The following VPS35L variants were observed in gnomAD, a reference collection of about 807,000 sequenced individuals.
VPS35L encodes VPS35 endosomal protein-sorting factor-like.
A neutral mutation model predicts 133.0 loss-of-function variants in VPS35L; 83 were observed. The observed-to-expected ratio is 0.62, with a 90% CI of 0.52 to 0.75. VPS35L has a LOEUF of 0.75. VPS35L is among the 30% of genes least tolerant of loss of function. VPS35L has a pLI of 0.00. For missense variants in VPS35L, 1,083 were observed against 1,206.8 expected (o/e 0.90, Z 1.52); for synonymous variants, 423 against 449.9 (o/e 0.94, Z 0.76).
chr16:19,653,906 C>T (rs1308302770), intron 26 of VPS35L, among the ~76,000 whole-genome samples: 1 of 152,160 alleles, frequency 6.6e-6, no homozygotes, highest in Non-Finnish European at 1.5e-5. Flanking sequence ...GCTTCTAACT[C>T]ATGGGGGACT....
intron 28 of VPS35L, among the ~76,000 whole-genome samples, chr16:19,690,815 T>A (rs954035822): frequency 1.3e-5 from 2 of 151,912 alleles, no homozygotes. Flanking sequence ...ATTAAAAAAA[T>A]AGCCAGGCGT....
At chr16:19,679,024 T>G (rs1975162638) in intron 27 of VPS35L, among the ~76,000 whole-genome samples, 1 of 152,012 alleles carries the variant, frequency 6.6e-6, no homozygotes, top group African/African-American at 2.4e-5. Context: ...GCTGGAACAT[T>G]CAGATTGTTG....
intron 27 of VPS35L, among the ~76,000 whole-genome samples, chr16:19,675,659 C>T (rs1975040101): frequency 6.6e-6 from 1 of 152,138 alleles, no homozygotes; most frequent in Non-Finnish European, 1.5e-5. Context: ...AAGTGATTTT[C>T]CTGCCTCAGC....
rs150300279 is a variant in VPS35L, at chr16:19,699,568, C to T, written c.2713C>T (p.Arg905Cys). The change falls in exon 30 of 31, where the codon CGC (arginine) becomes TGC (cysteine). Residue 905 changes from arginine to cysteine, a missense_variant. By Grantham distance (180) the Arg-to-Cys change is radical. Coordinates refer to ENST00000417362, the MANE Select transcript of VPS35L (RefSeq NM_020314.7). The surrounding 1 kb of genome is among the most constrained non-coding windows in gnomAD (Gnocchi z 4.2). ...CAGCATCTTGGCCCATGGGGACCTA[C>T]GCAACAACAAGCTCAACCAGCTCTC... is the stretch of plus-strand genomic sequence containing the variant. The part of the protein sequence containing the change: ...FNSILAHGDL[R>C]NNKLNQLSVN... 9.2e-3 allele frequency: 14,887 copies of T among 1,614,150 alleles called. 95 individuals are homozygous for T. The highest frequency in any genetic ancestry group is 0.01 in the Non-Finnish European group (12,269 of 1,180,028).
intron 28 of VPS35L, among the ~76,000 whole-genome samples, chr16:19,689,050 T>G (rs1214102148): frequency 8.3e-6 from 1 of 121,174 alleles, no homozygotes; most frequent in Non-Finnish European, 1.7e-5. Flanking sequence ...CTTTTTTTTT[T>G]TTTTTTTGAG....
At position 19,669,315 on chromosome 16, in the gene VPS35L, A is replaced by C; in HGVS notation, c.2361+16A>C. The C allele has an allele frequency of 6.3e-7, 1 of 1,598,674 alleles. No homozygotes were observed. The highest frequency in any genetic ancestry group is 8.6e-7 in the Non-Finnish European group (1 of 1,168,956). ...AATAGTTCCGGTACGTTTCCTCAGC[A>C]GAACCGCAGGACATGTCTTCCTTTC... On this transcript the variant is annotated intron_variant, in intron 27 of 30. Coordinates refer to ENST00000417362, the MANE Select transcript of VPS35L (RefSeq NM_020314.7).
intron 2 of VPS35L, 43 bp from the exon 3 acceptor site, chr16:19,569,381 A>C: frequency 1.9e-6 from 3 of 1,593,650 alleles, no homozygotes; most frequent in Non-Finnish European, 2.6e-6. Flanking sequence ...CACTGGAGAG[A>C]GTTGTGGGAG....
intron 26 of VPS35L, among the ~76,000 whole-genome samples, chr16:19,661,558 G>A (rs1440931545): frequency 6.6e-6 from 1 of 152,198 alleles, no homozygotes; most frequent in African/African-American, 2.4e-5. Context: ...AGGCCCCAGA[G>A]CACGATATGG....
At position 19,652,563 on chromosome 16, in the gene VPS35L, C is replaced by T. The variant is rs143552498; in HGVS notation, c.2221+473C>T. ...TTAAATTTGTTTCTCCGCTAGGAAG[C>T]ACATTGGACACATATGCATTTATAG... On this transcript the variant is annotated intron_variant, in intron 26 of 30. Coordinates refer to ENST00000417362, the MANE Select transcript of VPS35L (RefSeq NM_020314.7). The T allele has an allele frequency of 4.9e-5, 8 of 164,244 alleles. No homozygotes were observed. In the East Asian group the frequency reaches 1.4e-3, roughly 29 times the overall value. The allele number at this position is 164,244 out of a possible 1,614,324, so 10.2% of individuals were successfully genotyped here. A position where few individuals can be genotyped will look rare whatever the true frequency, so the allele number is the denominator to read the frequency against.
At chr16:19,656,044 C>T (rs1007394173) in intron 26 of VPS35L, among the ~76,000 whole-genome samples, 13 of 151,888 alleles carry the variant, frequency 8.6e-5, no homozygotes, top group African/African-American at 3.1e-4. Flanking sequence ...GGGCGGATCA[C>T]CTGAGGTCAG....
intron 14 of VPS35L, chr16:19,617,262 G>A (rs996576860): frequency 1.9e-5 from 6 of 310,038 alleles, no homozygotes; most frequent in African/African-American, 1.3e-4. Context: ...GGAGGCTGAG[G>A]TGGGAGGACC....
At position 19,611,080 on chromosome 16, in the gene VPS35L, A is replaced by G. The variant is rs572071634; in HGVS notation, c.1023+665A>G. 1.2e-3 allele frequency among the ~76,000 whole-genome samples: 180 copies of G among 152,036 alleles called. No individual in the cohort carries two copies. The Middle Eastern group carries it at 0.02, about 17-fold the overall frequency. The stretch of plus-strand genomic sequence containing the variant: ...AGTGGCGCCATCTCGGCTCATTTCA[A>G]CCTCCACCGCCTGGGTTCAAATGAT... On this transcript the variant is annotated intron_variant, in intron 12 of 30. Transcript: ENST00000417362.
At chr16:19,646,743 C>T (rs1336815148) in intron 23 of VPS35L, among the ~76,000 whole-genome samples, 1 of 151,954 alleles carries the variant, frequency 6.6e-6, no homozygotes, top group Non-Finnish European at 1.5e-5. Flanking sequence ...AAATCACAGT[C>T]TTGAGGGGAC....
chr16:19,624,203 C>T lies in VPS35L; in HGVS notation c.1225-1974C>T, dbSNP rs148181151. On this transcript the variant is annotated intron_variant, in intron 14 of 30. Coordinates refer to ENST00000417362, the MANE Select transcript of VPS35L (RefSeq NM_020314.7). Reference sequence around the variant, plus strand: ...CAATCACAGCTCACTGCAGCCTCCACCTCCTGGGCTCAAGTGATCCTCCCA... The same window carrying T: ...CAATCACAGCTCACTGCAGCCTCCATCTCCTGGGCTCAAGTGATCCTCCCA... 2.2e-3 allele frequency among the ~76,000 whole-genome samples: 332 copies of T among 149,914 alleles called. 1 individual carries two copies. The highest frequency in any genetic ancestry group is 7.9e-3 in the African/African-American group (322 of 40,750).
intron 17 of VPS35L, among the ~76,000 whole-genome samples, chr16:19,629,511 A>G (rs932379224): frequency 7.2e-5 from 11 of 152,214 alleles, no homozygotes; most frequent in Non-Finnish European, 1.5e-4. Flanking sequence ...AATGCATAAC[A>G]TTACAGATAT....
At chr16:19,613,749 T>TGG (rs1167190510) in intron 12 of VPS35L, among the ~76,000 whole-genome samples, 5 of 152,192 alleles carry the variant, frequency 3.3e-5, no homozygotes, top group African/African-American at 1.2e-4. Context: ...ACTTACTGAC[T>TGG]GGGTCACATG....
In VPS35L at chr16:19,699,730, T is replaced by G; in HGVS notation, c.2793+82T>G. 3 of 1,555,588 alleles carry G rather than the reference T, an allele frequency of 1.9e-6. No homozygotes were observed. Among genetic ancestry groups the G allele is most frequent in the Non-Finnish European group, 2.6e-6 (3 of 1,140,928 alleles). The stretch of plus-strand genomic sequence containing the variant: ...TCAACACAGCATTGTGGCCTGGACA[T>G]CAGACAGACAACCCCATACTCCCCT... On this transcript the variant is annotated intron_variant, in intron 30 of 30. Transcript: ENST00000417362. This position sits in a 1 kb window ranked among gnomAD's most constrained non-coding sequence, Gnocchi z 4.2.
intron 12 of VPS35L, among the ~76,000 whole-genome samples, chr16:19,611,341 G>T (rs562708245): frequency 6.6e-6 from 1 of 152,114 alleles, no homozygotes; most frequent in Non-Finnish European, 1.5e-5. Context: ...TCACACAGGG[G>T]CTTTGCCTCT....
At chr16:19,666,554 A>T (rs1164519681) in intron 26 of VPS35L, among the ~76,000 whole-genome samples, 6 of 152,072 alleles carry the variant, frequency 3.9e-5, no homozygotes, top group Non-Finnish European at 8.8e-5. Context: ...CCCAACCTTT[A>T]AATAACTGTT....
Sources: allele counts gnomAD v4.1 joint callset (sites outside exome capture counted in the v4.1 genomes callset), GRCh38; gene constraint gnomAD v4.1.1; non-coding constraint Gnocchi (gnomAD v3.1); transcripts MANE v1.5; gene names NCBI Gene and HGNC (gene_info 2026-07-23, HGNC 2026-07-21).